Variants in EOGT observed in about 807,000 individuals in gnomAD.
EOGT encodes EGF domain specific O-linked N-acetylglucosamine transferase.
A neutral mutation model predicts 70.5 loss-of-function variants in EOGT; 55 were observed. That is an observed-to-expected ratio of 0.78 (90% CI 0.63 to 0.98). The LOEUF (loss-of-function observed/expected upper bound fraction) is 0.98, where lower values mean the gene tolerates loss of function less well. Ranked by LOEUF, EOGT falls within the 50% of genes least tolerant of loss-of-function variation. The pLI is 0.00. For missense variants in EOGT, 703 were observed against 641.9 expected, an observed-to-expected ratio of 1.10 and a Z score of -1.03; for synonymous variants, 246 against 217.1, an observed-to-expected ratio of 1.13 and a Z score of -1.17.
chr3:68,995,748 C>A (rs1433174089), intron 10 of EOGT, among the ~76,000 whole-genome samples: 3 of 152,280 alleles, frequency 2.0e-5, no homozygotes, highest in East Asian at 1.9e-4. Context: ...TAGGTAGAGT[C>A]CTCTTCAGAG....
At chr3:68,997,973 A>G (rs1200172123) in intron 10 of EOGT, 38 bp downstream of exon 10, 4 of 1,185,898 alleles carry the variant, frequency 3.4e-6, no homozygotes, top group Non-Finnish European at 4.9e-6. Flanking sequence ...GATACAAGGG[A>G]AAGACAGTAC....
intron 6 of EOGT, among the ~76,000 whole-genome samples, chr3:69,007,507 C>CCGGG (rs1553673401): frequency 4.8e-4 from 12 of 24,780 alleles, no homozygotes; most frequent in African/African-American, 1.8e-3. Context: ...TAAAAATTAG[C>CCGGG]GGGGGGGGGT....
At chr3:69,009,899 C>A in intron 3 of EOGT, 39 bp from the exon 4 acceptor site, 4 of 1,202,238 alleles carry the variant, frequency 3.3e-6, no homozygotes, top group Non-Finnish European at 3.5e-6. Flanking sequence ...TAACAAATTT[C>A]CTTTAAAAGC....
At chr3:69,009,556 G>T in intron 4 of EOGT, 81 bp downstream of exon 4, 1 of 1,081,340 alleles carries the variant, frequency 9.2e-7, no homozygotes, top group South Asian at 1.4e-5. Flanking sequence ...TCTGCCTTCA[G>T]TTTCAGGTTA....
chr3:68,977,391 T>C lies in EOGT; in HGVS notation c.*227A>G, dbSNP rs140989178. The stretch of plus-strand genomic sequence containing the variant: ...GAGTCCATGCTTAATTTTTGAACTA[T>C]AAAAAGTTTTCAGTGCAAAATTATT... On this transcript the variant is annotated 3_prime_UTR_variant, in exon 18 of 18. Coordinates refer to ENST00000383701, the MANE Select transcript of EOGT (RefSeq NM_001278689.2). 1.2e-3 allele frequency: 545 copies of C among 453,558 alleles called. 3 individuals are homozygous for C. Among genetic ancestry groups the C allele is most frequent in the Middle Eastern group, 1.0e-2 (17 of 1,702 alleles). The allele number at this position is 453,558 out of a possible 1,614,324, so 28.1% of individuals were successfully genotyped here. A position where few individuals can be genotyped will look rare whatever the true frequency, so the allele number is the denominator to read the frequency against.
chr3:68,996,438 C>A (rs192326423), intron 10 of EOGT, among the ~76,000 whole-genome samples: 2 of 152,250 alleles, frequency 1.3e-5, no homozygotes, highest in Admixed American at 1.3e-4. Context: ...GGCAACAATG[C>A]TTCTGATCTA....
chr3:69,002,814 C>T (rs1312191757), intron 8 of EOGT, among the ~76,000 whole-genome samples: 1 of 152,000 alleles, frequency 6.6e-6, no homozygotes, highest in African/African-American at 2.4e-5. Flanking sequence ...GCCATCTCGC[C>T]CAGCTAATTT....
chr3:69,011,919 G>T lies in EOGT; in HGVS notation c.-15+17C>A, dbSNP rs887190084. ...ATTAATAGTAACAATGACTCTACTT[G>T]TAATAAAAATATATACCTCTTGAAT... On this transcript the variant is annotated intron_variant, in intron 3 of 17. Transcript: ENST00000383701. The T allele has an allele frequency of 6.6e-6, 1 of 152,118 alleles. No homozygotes were observed. Among genetic ancestry groups the T allele is most frequent in the Non-Finnish European group, 1.5e-5 (1 of 68,036 alleles). 9.4% of individuals were successfully genotyped at this position (152,118 alleles called of 1,614,324 possible).
chr3:68,987,319 G>C, intron 14 of EOGT, 126 bp downstream of exon 14: 1 of 715,876 alleles, frequency 1.4e-6, no homozygotes, highest in Non-Finnish European at 2.4e-6. Context: ...CCGGGCATAG[G>C]CCATCAAACT....
intron 15 of EOGT, among the ~76,000 whole-genome samples, chr3:68,981,419 C>T (rs976109355): frequency 2.6e-5 from 4 of 152,182 alleles, no homozygotes; most frequent in African/African-American, 7.2e-5. Flanking sequence ...ATATTAGATA[C>T]CCACATGCTG....
chr3:69,010,859 T>C (rs574771714), intron 3 of EOGT, among the ~76,000 whole-genome samples: 38 of 152,258 alleles, frequency 2.5e-4, no homozygotes, highest in Admixed American at 1.2e-3. Flanking sequence ...GCACAGACAA[T>C]GTTCCAGGAG....
At chr3:68,983,123 G>T (rs1236337032) in intron 14 of EOGT, among the ~76,000 whole-genome samples, 2 of 152,214 alleles carry the variant, frequency 1.3e-5, no homozygotes, top group Non-Finnish European at 2.9e-5. Context: ...CCAATGCACT[G>T]TGTTGCTGTG....
intron 14 of EOGT, among the ~76,000 whole-genome samples, chr3:68,983,635 G>C (rs914697966): frequency 6.6e-6 from 1 of 152,202 alleles, no homozygotes; most frequent in South Asian, 2.1e-4. Context: ...ATTTCTAAGA[G>C]TGTCGTTAGG....
rs1459776212 is a variant in EOGT, at chr3:68,976,661, T to TGTGTGTGTGC, written c.*956_*957insGCACACACAC. On this transcript the variant is annotated 3_prime_UTR_variant, in exon 18 of 18. Transcript: ENST00000383701. Reference sequence around the variant, plus strand: ...CTCTGCGTGTGTGTGTGTGTGTGTGTGTGTGTGTGTATGTTTTGCATGTTT... The same window carrying TGTGTGTGTGC: ...CTCTGCGTGTGTGTGTGTGTGTGTGTGTGTGTGTGCGTGTGTGTGTATGTTTTGCATGTTT... The TGTGTGTGTGC allele has an allele frequency of 6.6e-6, 1 of 152,582 alleles. No homozygotes were observed. Among genetic ancestry groups the TGTGTGTGTGC allele is most frequent in the Non-Finnish European group, 1.5e-5 (1 of 68,284 alleles). 9.5% of individuals were successfully genotyped at this position (152,582 alleles called of 1,614,324 possible).
Position 68,987,560 on chromosome 3 carries a change from A to G in EOGT, c.1084-47T>C, listed in dbSNP as rs1228296806. ...AAAATAACACTGCATATGCCTGGGT[A>G]GATGAATGAACATCTGAACCCAAAA... On this transcript the variant is annotated intron_variant, in intron 13 of 17. Coordinates refer to ENST00000383701, the MANE Select transcript of EOGT (RefSeq NM_001278689.2). The G allele has an allele frequency of 2.9e-6, 4 of 1,374,814 alleles. No individual in the cohort carries two copies. In the East Asian group the frequency reaches 9.2e-5, roughly 32 times the overall value. 85.2% of individuals were successfully genotyped at this position (1,374,814 alleles called of 1,614,324 possible).
At position 68,987,462 on chromosome 3, in the gene EOGT, T is replaced by A; in HGVS notation, c.1135A>T (p.Ile379Phe). The change falls in exon 14 of 18, where the codon ATC (isoleucine) becomes TTC (phenylalanine). Residue 379 changes from isoleucine to phenylalanine, a missense_variant. Physicochemically the swap from Ile to Phe is conservative, Grantham distance 21. Transcript: ENST00000383701. ...AAACTAACCTCATTTTGGTTAAGGA[T>A]TTTCCGGTATTCTGTGCTCCGTGCA... ...ILARSTEYRK[I>F]LNQNELVNAL... 6.2e-7 allele frequency: 1 copy of A among 1,613,526 alleles called. No homozygotes were observed. The highest frequency in any genetic ancestry group is 8.5e-7 in the Non-Finnish European group (1 of 1,179,692).
chr3:68,989,089 A>C (rs2090902513), intron 10 of EOGT, 72 bp from the exon 11 acceptor site: 1 of 831,504 alleles, frequency 1.2e-6, no homozygotes, highest in Non-Finnish European at 1.8e-6. Context: ...GATGCAACAA[A>C]ATACCTGAAT....
chr3:68,981,831 CTT>C (rs566273792), intron 15 of EOGT, among the ~76,000 whole-genome samples: 2 of 142,776 alleles, frequency 1.4e-5, no homozygotes, highest in Non-Finnish European at 1.5e-5. Flanking sequence ...ATTTTGATAA[CTT>C]TTTTGTTATC....
At chr3:69,003,302 TCTC>T (rs1235982894) in intron 8 of EOGT, among the ~76,000 whole-genome samples, 1 of 152,162 alleles carries the variant, frequency 6.6e-6, no homozygotes, top group African/African-American at 2.4e-5. Flanking sequence ...ACGTACAAGT[TCTC>T]CTTGTAGTAT....
Sources: allele counts gnomAD v4.1 joint callset (sites outside exome capture counted in the v4.1 genomes callset), GRCh38; gene constraint gnomAD v4.1.1; transcripts MANE v1.5; gene names NCBI Gene and HGNC (gene_info 2026-07-23, HGNC 2026-07-21).